Variants in CFDP1 observed in about 807,000 individuals in gnomAD.
CFDP1 encodes heterochromatin-stabilizing protein CFDP1.
CFDP1 carries 31 observed loss-of-function variants against 40.1 expected under a neutral mutation model. The ratio of observed to expected loss-of-function variants is 0.77; its 90% CI spans 0.58 to 1.04. The LOEUF (loss-of-function observed/expected upper bound fraction) is 1.04. Ranked by LOEUF, CFDP1 falls within the 50% of genes least tolerant of loss-of-function variation. CFDP1 has a pLI of 0.00. For missense variants in CFDP1, 423 were observed against 343.4 expected, an observed-to-expected ratio of 1.23 and a Z score of -1.83; for synonymous variants, 167 against 120.0, an observed-to-expected ratio of 1.39 and a Z score of -2.56.
At chr16:75,426,631 G>A (rs1011022064) in intron 1 of CFDP1, among the ~76,000 whole-genome samples, 7 of 150,076 alleles carry the variant, frequency 4.7e-5, no homozygotes, top group Non-Finnish European at 1.0e-4. Flanking sequence ...AGGTGAAATC[G>A]TGCCACTGCA....
At chr16:75,392,221 T>C (rs954608976) in intron 5 of CFDP1, among the ~76,000 whole-genome samples, 33 of 151,762 alleles carry the variant, frequency 2.2e-4, no homozygotes, top group African/African-American at 7.7e-4. Flanking sequence ...CTGGCCAACA[T>C]AGTGAAACCC....
intron 6 of CFDP1, among the ~76,000 whole-genome samples, chr16:75,303,595 G>A (rs550907100): frequency 3.3e-5 from 5 of 151,066 alleles, no homozygotes; most frequent in South Asian, 2.1e-4. Flanking sequence ...ATAGGAGGCC[G>A]AGGCAGGAGG....
At chr16:75,326,236 G>A (rs542580457) in intron 5 of CFDP1, among the ~76,000 whole-genome samples, 6 of 152,116 alleles carry the variant, frequency 3.9e-5, no homozygotes, top group African/African-American at 1.2e-4. Flanking sequence ...CACTGCAGCC[G>A]GGTTGCTTTT....
At chr16:75,430,872 G>A (rs2079404900) in intron 1 of CFDP1, among the ~76,000 whole-genome samples, 1 of 152,156 alleles carries the variant, frequency 6.6e-6, no homozygotes, top group Non-Finnish European at 1.5e-5. Context: ...GTTAATGTCA[G>A]AGACATACAA....
At chr16:75,375,119 C>A (rs1331097679) in intron 5 of CFDP1, among the ~76,000 whole-genome samples, 3 of 149,394 alleles carry the variant, frequency 2.0e-5, no homozygotes, top group Admixed American at 2.0e-4. Context: ...AAAACCTAAA[C>A]ATAAAAGCCA....
chr16:75,295,319 T>A (rs149035906), intron 6 of CFDP1, among the ~76,000 whole-genome samples: 1 of 152,162 alleles, frequency 6.6e-6, no homozygotes, highest in Non-Finnish European at 1.5e-5. Context: ...GGCTGGAGGT[T>A]TGAGTTCTGT....
chr16:75,374,055 C>T (rs2078773327), intron 5 of CFDP1, among the ~76,000 whole-genome samples: 1 of 151,944 alleles, frequency 6.6e-6, no homozygotes, highest in Admixed American at 6.6e-5. Context: ...GAGTTCAAGA[C>T]AAGCCTGGCC....
At chr16:75,355,083 A>G (rs1251633023) in intron 5 of CFDP1, among the ~76,000 whole-genome samples, 1 of 152,230 alleles carries the variant, frequency 6.6e-6, no homozygotes, top group Non-Finnish European at 1.5e-5. Context: ...TAAGAAAAAC[A>G]ATGTACAGAT....
chr16:75,311,922 T>G (rs866382278), intron 5 of CFDP1, among the ~76,000 whole-genome samples: 1 of 152,064 alleles, frequency 6.6e-6, no homozygotes, highest in African/African-American at 2.4e-5. Context: ...TTGTAGCTCA[T>G]TCATGAACTA....
chr16:75,409,933 T>C (rs2079142119), intron 4 of CFDP1, among the ~76,000 whole-genome samples: 1 of 151,516 alleles, frequency 6.6e-6, no homozygotes, highest in Admixed American at 6.6e-5. Context: ...TTTGTAAAAG[T>C]GATAATGGCC....
intron 5 of CFDP1, among the ~76,000 whole-genome samples, chr16:75,353,565 T>C (rs3851737): frequency 0.52 from 78,236 of 151,334 alleles, 21,322 homozygotes; most frequent in Admixed American, 0.64. Context: ...ATCGAGACCA[T>C]GGTGAAACCC....
intron 5 of CFDP1, among the ~76,000 whole-genome samples, chr16:75,368,680 TTTTC>T (rs1207461275): frequency 7.9e-5 from 12 of 151,824 alleles, no homozygotes; most frequent in South Asian, 2.1e-4. Context: ...AGGTCTGATA[TTTTC>T]TTTCTTTTTT....
At chr16:75,403,343 T>A (rs1294112914) in intron 4 of CFDP1, among the ~76,000 whole-genome samples, 1 of 152,172 alleles carries the variant, frequency 6.6e-6, no homozygotes, top group African/African-American at 2.4e-5. Flanking sequence ...TTCAGCCTCC[T>A]GAGTAGCTGG....
At chr16:75,433,005 G>A (rs117197103) in intron 1 of CFDP1, among the ~76,000 whole-genome samples, 1 of 152,180 alleles carries the variant, frequency 6.6e-6, no homozygotes, top group Admixed American at 6.5e-5. Flanking sequence ...GCTGACCGAC[G>A]AGCGTCCCTA....
intron 5 of CFDP1, chr16:75,391,489 C>T (rs887576590): frequency 6.6e-6 from 1 of 152,188 alleles, no homozygotes; most frequent in African/African-American, 2.4e-5. Flanking sequence ...CAGGTCATAA[C>T]AGTTTTTTAA....
At chr16:75,406,350 C>A (rs1360326935) in intron 4 of CFDP1, among the ~76,000 whole-genome samples, 1 of 151,960 alleles carries the variant, frequency 6.6e-6, no homozygotes, top group South Asian at 2.1e-4. Context: ...ACACTCCAGC[C>A]TGGGCAACAG....
intron 5 of CFDP1, among the ~76,000 whole-genome samples, chr16:75,339,314 G>A (rs2078510632): frequency 6.6e-6 from 1 of 152,132 alleles, no homozygotes; most frequent in African/African-American, 2.4e-5. Flanking sequence ...AAAGGATCAT[G>A]TTTTATTTCC....
At chr16:75,320,952 G>C (rs530615919) in intron 5 of CFDP1, among the ~76,000 whole-genome samples, 139 of 152,162 alleles carry the variant, frequency 9.1e-4, no homozygotes, top group Middle Eastern at 6.8e-3. Context: ...AAAATCTGAT[G>C]ACTTACTATT....
At chr16:75,429,879 A>G (rs1002603290) in intron 1 of CFDP1, among the ~76,000 whole-genome samples, 6 of 152,216 alleles carry the variant, frequency 3.9e-5, no homozygotes, top group Non-Finnish European at 8.8e-5. Context: ...TGTGCCACAT[A>G]TGAGTAACCA....
Sources: allele counts gnomAD v4.1 joint callset (sites outside exome capture counted in the v4.1 genomes callset), GRCh38; gene constraint gnomAD v4.1.1; transcripts MANE v1.5; gene names NCBI Gene and HGNC (gene_info 2026-07-23, HGNC 2026-07-21).